The following SLC35F3 variants were observed in gnomAD, a reference collection of about 807,000 sequenced individuals.
SLC35F3 encodes solute carrier family 35 member F3, also known as putative thiamine transporter SLC35F3.
In SLC35F3, 25 loss-of-function variants were observed where a neutral mutation model predicts 49.9. That is an observed-to-expected ratio of 0.50 (90% confidence interval 0.37 to 0.70). SLC35F3 has a LOEUF of 0.70. Among genes scored for constraint, SLC35F3 ranks in the 30% least tolerant of loss-of-function variants. SLC35F3 has a pLI of 0.00. For synonymous variants in SLC35F3, 275 were observed against 265.4 expected, an observed-to-expected ratio of 1.04 and a Z score of -0.35; for missense variants, 525 against 639.8, an observed-to-expected ratio of 0.82 and a Z score of 1.94.
At chr1:234,148,010 T>C (rs9435508) in intron 2 of SLC35F3, among the ~76,000 whole-genome samples, 39,549 of 152,124 alleles carry the variant, frequency 0.26, 6,994 homozygotes, top group East Asian at 0.77. Flanking sequence ...TGTAACTCAC[T>C]GATTATAACG....
At chr1:234,108,197 A>T (rs978921088) in intron 2 of SLC35F3, among the ~76,000 whole-genome samples, 2 of 125,060 alleles carry the variant, frequency 1.6e-5, no homozygotes, top group Non-Finnish European at 3.1e-5. Flanking sequence ...TATATATAAA[A>T]GATATATATA....
intron 7 of SLC35F3, among the ~76,000 whole-genome samples, chr1:234,322,366 GTA>G (rs1212103667): frequency 1.3e-5 from 2 of 152,170 alleles, no homozygotes; most frequent in Non-Finnish European, 2.9e-5. Context: ...CACATATGTT[GTA>G]TGTGTTATTT....
At chr1:234,072,877 CT>C (rs1374729188) in intron 2 of SLC35F3, among the ~76,000 whole-genome samples, 1 of 152,084 alleles carries the variant, frequency 6.6e-6, no homozygotes, top group Non-Finnish European at 1.5e-5. Flanking sequence ...CCCTGGAAGG[CT>C]TTGATTAGAG....
intron 3 of SLC35F3, among the ~76,000 whole-genome samples, chr1:234,290,664 C>CA (rs1213768399): frequency 3.9e-5 from 6 of 152,208 alleles, no homozygotes; most frequent in African/African-American, 1.4e-4. Context: ...CCTCTGACTG[C>CA]AAGGGCACTC....
intron 3 of SLC35F3, among the ~76,000 whole-genome samples, chr1:234,302,607 A>C (rs1668710352): frequency 6.6e-6 from 1 of 152,206 alleles, no homozygotes; most frequent in Non-Finnish European, 1.5e-5. Flanking sequence ...TTAAATGGTG[A>C]TGAAATGGGT....
At chr1:233,998,650 T>C (rs1663501470) in intron 2 of SLC35F3, among the ~76,000 whole-genome samples, 1 of 151,900 alleles carries the variant, frequency 6.6e-6, no homozygotes, top group Non-Finnish European at 1.5e-5. Flanking sequence ...CAGTAGACAC[T>C]AGTCACATGG....
chr1:234,145,846 G>A (rs7512124), intron 2 of SLC35F3, among the ~76,000 whole-genome samples: 13,536 of 152,066 alleles, frequency 0.089, 1,971 homozygotes, highest in African/African-American at 0.3. Context: ...TGTTTATGAC[G>A]ATCATATCAT....
intron 2 of SLC35F3, among the ~76,000 whole-genome samples, chr1:233,970,344 G>C (rs1430842713): frequency 6.6e-6 from 1 of 152,218 alleles, no homozygotes; most frequent in Non-Finnish European, 1.5e-5. Flanking sequence ...AAGACCCACA[G>C]CCTGAGGATG....
At chr1:234,283,384 T>C (rs1668360295) in intron 3 of SLC35F3, among the ~76,000 whole-genome samples, 1 of 152,254 alleles carries the variant, frequency 6.6e-6, no homozygotes, top group African/African-American at 2.4e-5. Context: ...TACTGTCATT[T>C]TCTCCATCCA....
intron 2 of SLC35F3, among the ~76,000 whole-genome samples, chr1:233,973,475 G>A (rs1334536547): frequency 6.6e-6 from 1 of 152,210 alleles, no homozygotes; most frequent in Non-Finnish European, 1.5e-5. Context: ...ATACAGATGA[G>A]CTTTCAGAAA....
At chr1:233,958,930 A>G (rs960440067) in intron 2 of SLC35F3, among the ~76,000 whole-genome samples, 2 of 152,214 alleles carry the variant, frequency 1.3e-5, no homozygotes, top group Non-Finnish European at 2.9e-5. Context: ...ATAGAAAAAC[A>G]TTTCCAACAA....
chr1:233,993,142 T>C (rs1247152633), intron 2 of SLC35F3, among the ~76,000 whole-genome samples: 1 of 152,182 alleles, frequency 6.6e-6, no homozygotes, highest in Non-Finnish European at 1.5e-5. Flanking sequence ...TAATTTTATA[T>C]TTTTAGTAGA....
At chr1:234,109,746 C>T (rs976093003) in intron 2 of SLC35F3, among the ~76,000 whole-genome samples, 4 of 152,220 alleles carry the variant, frequency 2.6e-5, no homozygotes, top group South Asian at 2.1e-4. Context: ...AAAGAGGTGA[C>T]GGCCACTGGA....
chr1:234,279,539 G>A (rs866301271), intron 3 of SLC35F3, among the ~76,000 whole-genome samples: 1 of 152,196 alleles, frequency 6.6e-6, no homozygotes, highest in Non-Finnish European at 1.5e-5. Context: ...GCCAGGAGCT[G>A]AGTGTGTCAG....
intron 2 of SLC35F3, among the ~76,000 whole-genome samples, chr1:234,172,318 C>G (rs2102919448): frequency 6.6e-6 from 1 of 152,302 alleles, no homozygotes; most frequent in South Asian, 2.1e-4. Context: ...ACTGCAACCT[C>G]CACCTCCCAG....
chr1:233,916,508 G>A (rs971016014), intron 2 of SLC35F3, among the ~76,000 whole-genome samples: 4 of 152,226 alleles, frequency 2.6e-5, no homozygotes, highest in African/African-American at 9.6e-5. Flanking sequence ...CTGGCCTCAA[G>A]CAGTCCTCTC....
At chr1:234,182,914 G>A (rs1028194529) in intron 2 of SLC35F3, among the ~76,000 whole-genome samples, 1 of 117,350 alleles carries the variant, frequency 8.5e-6, no homozygotes, top group Non-Finnish European at 1.8e-5. Flanking sequence ...TTGGTCTTTT[G>A]TTTCTCTATT....
intron 2 of SLC35F3, among the ~76,000 whole-genome samples, chr1:233,913,917 G>A (rs1010983334): frequency 1.3e-5 from 2 of 152,142 alleles, no homozygotes; most frequent in African/African-American, 4.8e-5. Flanking sequence ...AGGGCCCAGG[G>A]AAATACAGAA....
intron 3 of SLC35F3, among the ~76,000 whole-genome samples, chr1:234,302,074 G>A (rs1343707153): frequency 2.6e-5 from 4 of 152,188 alleles, no homozygotes; most frequent in Non-Finnish European, 4.4e-5. Context: ...CTGAGAGGAC[G>A]GGTCAATAGG....
Sources: allele counts gnomAD v4.1 joint callset (sites outside exome capture counted in the v4.1 genomes callset), GRCh38; gene constraint gnomAD v4.1.1; transcripts MANE v1.5; gene names NCBI Gene and HGNC (gene_info 2026-07-23, HGNC 2026-07-21).